ARHGEF19: variants seen among roughly 807,000 people sequenced by gnomAD.
ARHGEF19 encodes Rho guanine nucleotide exchange factor 19, also known as Rho guanine nucleotide exchange factor (GEF) 19.
Under a neutral mutation model 87.6 loss-of-function variants are expected in ARHGEF19, and 92 were observed. The ratio of observed to expected loss-of-function variants is 1.05; its 90% confidence interval spans 0.89 to 1.25. The LOEUF is 1.25. ARHGEF19 is among the 50% of genes most tolerant of loss of function. The probability of loss-of-function intolerance (pLI) is 0.00; values close to 1 mark genes in which losing one functional copy is unlikely to be tolerated. For synonymous variants in ARHGEF19, 438 were observed against 446.2 expected, an observed-to-expected ratio of 0.98 and a Z score of 0.23; for missense variants, 1,054 against 1,051.8, an observed-to-expected ratio of 1.00 and a Z score of -0.03.
In ARHGEF19 at chr1:16,205,225, C is replaced by G. The variant is rs566763431; in HGVS notation, c.1657-49G>C. On this transcript the variant is annotated intron_variant, in intron 10 of 15. Coordinates refer to ENST00000270747, the MANE Select transcript of ARHGEF19 (RefSeq NM_153213.5). This position sits in a 1 kb window ranked among gnomAD's most constrained non-coding sequence, Gnocchi z 5.8. ...CCTGCAGCCCCTCAGCTCCGGCTCCCAGAGCCCAGCCTCAGACTCTTGCCT... is the reference window on the plus strand; with the variant it reads ...CCTGCAGCCCCTCAGCTCCGGCTCCGAGAGCCCAGCCTCAGACTCTTGCCT... The G allele has an allele frequency of 1.9e-5, 31 of 1,593,322 alleles. No homozygotes were observed. The South Asian group carries it at 2.7e-4, about 14-fold the overall frequency.
rs375332806 is a variant in ARHGEF19, at chr1:16,208,029, G to T, written c.609C>A (p.Thr203=). ...RRRFSASELM[T]RLHSSLRLGR... is the part of the protein sequence containing the mutation. ...CCAGGCGCAGAGAAGAGTGCAGCCGGGTCATCAGCTCCGATGCCGAGAAGC... is the reference window on the plus strand; with the variant it reads ...CCAGGCGCAGAGAAGAGTGCAGCCGTGTCATCAGCTCCGATGCCGAGAAGC... Residue 203 remains threonine (T), a synonymous_variant, in exon 3 of 16, where the codon ACC becomes ACA. Transcript: ENST00000270747. The T allele has an allele frequency of 1.2e-6, 2 of 1,613,646 alleles. No homozygotes were observed. Among genetic ancestry groups the T allele is most frequent in the Non-Finnish European group, 1.7e-6 (2 of 1,180,014 alleles).
Position 16,206,814 on chromosome 1 carries a change from C to A in ARHGEF19, c.1137+134G>T. On this transcript the variant is annotated intron_variant, in intron 6 of 15. Transcript: ENST00000270747. This position sits in a 1 kb window ranked among gnomAD's most constrained non-coding sequence, Gnocchi z 4.6. ...TCGTGTAGTCAGGTCCTAGAGCCAACCTTCCGCGCGGACAGTCGCGCCAGC... is the reference window on the plus strand; with the variant it reads ...TCGTGTAGTCAGGTCCTAGAGCCAAACTTCCGCGCGGACAGTCGCGCCAGC... 2 of 1,196,028 alleles carry A rather than the reference C, an allele frequency of 1.7e-6. No homozygotes were observed. The highest frequency in any genetic ancestry group is 3.2e-5 in the African/African-American group (2 of 61,970). 74.1% of individuals were successfully genotyped at this position (1,196,028 alleles called of 1,614,324 possible). A position where few individuals can be genotyped will look rare whatever the true frequency, so the allele number is the denominator to read the frequency against.
At position 16,207,902 on chromosome 1, in the gene ARHGEF19, C is replaced by G; in HGVS notation, c.694+42G>C. 1 of 1,574,836 alleles carries G rather than the reference C, an allele frequency of 6.3e-7. No individual in the cohort carries two copies. The highest frequency in any genetic ancestry group is 8.6e-7 in the Non-Finnish European group (1 of 1,159,218). On this transcript the variant is annotated intron_variant, in intron 3 of 15. Transcript: ENST00000270747. The surrounding 1 kb of genome is among the most constrained non-coding windows in gnomAD (Gnocchi z 4.0). ...GGCATCGCCCACCCCCACCCCCACC[C>G]GGCATCTGGCTGCCCTCAGGGCCCA...
intron 1 of ARHGEF19, among the ~76,000 whole-genome samples, chr1:16,211,058 C>G (rs2081192430): frequency 1.3e-5 from 2 of 152,164 alleles, no homozygotes; most frequent in Admixed American, 1.3e-4. Flanking sequence ...TGGCTTGTAC[C>G]ATCAGCCTCT....
At chr1:16,199,104 C>T (rs762109344) in intron 15 of ARHGEF19, 46 bp downstream of exon 15, 2 of 1,587,774 alleles carry the variant, frequency 1.3e-6, no homozygotes, top group Non-Finnish European at 1.7e-6. Context: ...CCACCTCCTG[C>T]CCACCCAAGC....
At position 16,206,504 on chromosome 1, in the gene ARHGEF19, G is replaced by A. The variant is rs971117527; in HGVS notation, c.1138-164C>T. ...CGGGCCCGGCGACCCACGTCCCGCCGCGGGAAATTGTGCAAGCCTTTCCTG... is the reference window on the plus strand; with the variant it reads ...CGGGCCCGGCGACCCACGTCCCGCCACGGGAAATTGTGCAAGCCTTTCCTG... On this transcript the variant is annotated intron_variant, in intron 6 of 15. Coordinates refer to ENST00000270747, the MANE Select transcript of ARHGEF19 (RefSeq NM_153213.5). The surrounding 1 kb of genome is among the most constrained non-coding windows in gnomAD (Gnocchi z 4.6). 6.9e-6 allele frequency: 5 copies of A among 723,858 alleles called. No individual in the cohort carries two copies. Among genetic ancestry groups the A allele is most frequent in the East Asian group, 2.7e-5 (1 of 36,462 alleles). The allele number at this position is 723,858 out of a possible 1,614,324, so 44.8% of individuals were successfully genotyped here. A position where few individuals can be genotyped will look rare whatever the true frequency, so the allele number is the denominator to read the frequency against.
At position 16,207,101 on chromosome 1, in the gene ARHGEF19, C is replaced by T. The variant is rs1167214049; in HGVS notation, c.984G>A (p.Pro328=). 1.3e-6 allele frequency: 2 copies of T among 1,510,476 alleles called. No homozygotes were observed. The highest frequency in any genetic ancestry group is 1.8e-6 in the Non-Finnish European group (2 of 1,133,452). 93.6% of individuals were successfully genotyped at this position (1,510,476 alleles called of 1,614,324 possible). A position where few individuals can be genotyped will look rare whatever the true frequency, so the allele number is the denominator to read the frequency against. ...GGGAGAGGTTGGCCCGCGGCGGCCC[C>T]GGCCCCTCCTCTGCGCCCTCGGCCT... ...GDEAEGAEEG[P]GPPRANLSPS... Residue 328 remains proline (P), a synonymous_variant, in exon 6 of 16, where the codon CCG becomes CCA. Transcript: ENST00000270747. The surrounding 1 kb of genome is among the most constrained non-coding windows in gnomAD (Gnocchi z 4.0).
At position 16,206,734 on chromosome 1, in the gene ARHGEF19, C is replaced by G. The variant is rs2081139713; in HGVS notation, c.1137+214G>C. 6.6e-6 allele frequency among the ~76,000 whole-genome samples: 1 copy of G among 152,120 alleles called. No homozygotes were observed. The highest frequency in any genetic ancestry group is 2.1e-4 in the South Asian group (1 of 4,826). On this transcript the variant is annotated intron_variant, in intron 6 of 15. Transcript: ENST00000270747. This position sits in a 1 kb window ranked among gnomAD's most constrained non-coding sequence, Gnocchi z 4.6. Reference sequence around the variant, plus strand: ...GCTCCGCCCCCTACCCGCACCCAAGCCCGGCTCCCCTCGCCTCTCGCTCAG... The same window carrying G: ...GCTCCGCCCCCTACCCGCACCCAAGGCCGGCTCCCCTCGCCTCTCGCTCAG...
rs1354816519 is a variant in ARHGEF19 at position 16,205,616 on chromosome 1, A to G, written c.1503T>C (p.Pro501=). The change falls in exon 9 of 16, where the codon CCT becomes CCC. Residue 501 remains proline, a synonymous_variant. Transcript: ENST00000270747. This position sits in a 1 kb window ranked among gnomAD's most constrained non-coding sequence, Gnocchi z 5.8. ...AGGTAAGGGGCAGACGCTGGCACACAGGAGACTCCTCCAGGCGAGCCAGGA... is the reference window on the plus strand; with the variant it reads ...AGGTAAGGGGCAGACGCTGGCACACGGGAGACTCCTCCAGGCGAGCCAGGA... ...PGILARLEES[P]VCQRLPLTSF... is the part of the protein sequence containing the mutation. 6.2e-7 allele frequency: 1 copy of G among 1,613,784 alleles called. No homozygotes were observed. The highest frequency in any genetic ancestry group is 1.7e-5 in the Admixed American group (1 of 59,934).
At chr1:16,211,903 C>A (rs1242423516) in intron 1 of ARHGEF19, among the ~76,000 whole-genome samples, 1 of 152,190 alleles carries the variant, frequency 6.6e-6, no homozygotes, top group Non-Finnish European at 1.5e-5. Context: ...CTCTGGAGCC[C>A]AAAAAGAATA....
At position 16,206,537 on chromosome 1, in the gene ARHGEF19, T is replaced by TCCCGCCCCTCTCCTAAGC; in HGVS notation, c.1138-215_1138-198dup. On this transcript the variant is annotated intron_variant, in intron 6 of 15. Transcript: ENST00000270747. The surrounding 1 kb of genome is among the most constrained non-coding windows in gnomAD (Gnocchi z 4.6). ...TTGTGCAAGCCTTTCCTGTCCTCGA[T>TCCCGCCCCTCTCCTAAGC]CCCGCCCCTCTCCTAAGCCCCGCCC... The TCCCGCCCCTCTCCTAAGC allele has an allele frequency of 9.8e-6, 6 of 609,550 alleles. No individual in the cohort carries two copies. The highest frequency in any genetic ancestry group is 1.7e-5 in the Non-Finnish European group (6 of 344,952). 37.8% of individuals were successfully genotyped at this position (609,550 alleles called of 1,614,324 possible).
At position 16,208,084 on chromosome 1, in the gene ARHGEF19, C is replaced by T; in HGVS notation, c.554G>A (p.Arg185Gln). 6.2e-7 allele frequency: 1 copy of T among 1,614,026 alleles called. No individual in the cohort carries two copies. Among genetic ancestry groups the T allele is most frequent in the Non-Finnish European group, 8.5e-7 (1 of 1,180,028 alleles). The change falls in exon 3 of 16, where the codon CGA becomes CAA. Residue 185 changes from arginine (R) to glutamine (Q), a missense_variant. Transcript: ENST00000270747. ...EPRVELSGST[R>Q]VSLEGPERRR... is the part of the protein sequence containing the mutation. ...CCGCTCAGGACCTTCGAGGCTCACT[C>T]GGGTGGACCCAGACAACTCCACCCT...
chr1:16,207,452 T>G lies in ARHGEF19; in HGVS notation c.874+70A>C. Reference sequence around the variant, plus strand: ...CCCTACCTCTCAACTCTCCAAACCCTCTTTTCCCCGTTTCCACACCGCAGC... The same window carrying G: ...CCCTACCTCTCAACTCTCCAAACCCGCTTTTCCCCGTTTCCACACCGCAGC... On this transcript the variant is annotated intron_variant, in intron 5 of 15. Coordinates refer to ENST00000270747, the MANE Select transcript of ARHGEF19 (RefSeq NM_153213.5). The surrounding 1 kb of genome is among the most constrained non-coding windows in gnomAD (Gnocchi z 4.0). 6.3e-7 allele frequency: 1 copy of G among 1,583,956 alleles called. No homozygotes were observed. The highest frequency in any genetic ancestry group is 8.6e-7 in the Non-Finnish European group (1 of 1,157,532).
At position 16,206,718 on chromosome 1, in the gene ARHGEF19, C is replaced by T. The variant is rs1452588872; in HGVS notation, c.1137+230G>A. On this transcript the variant is annotated intron_variant, in intron 6 of 15. Coordinates refer to ENST00000270747, the MANE Select transcript of ARHGEF19 (RefSeq NM_153213.5). The surrounding 1 kb of genome is among the most constrained non-coding windows in gnomAD (Gnocchi z 4.6). ...AGGTTTCGTCCCGCTGGCTCCGCCCCCTACCCGCACCCAAGCCCGGCTCCC... is the reference window on the plus strand; with the variant it reads ...AGGTTTCGTCCCGCTGGCTCCGCCCTCTACCCGCACCCAAGCCCGGCTCCC... 1.3e-5 allele frequency among the ~76,000 whole-genome samples: 2 copies of T among 152,062 alleles called. No individual in the cohort carries two copies. The highest frequency in any genetic ancestry group is 4.8e-5 in the African/African-American group (2 of 41,404).
In ARHGEF19 at chr1:16,205,950, G is replaced by C. The variant is rs760994566; in HGVS notation, c.1432C>G (p.Arg478Gly). The C allele has an allele frequency of 3.1e-6, 5 of 1,610,484 alleles. No individual in the cohort carries two copies. Among genetic ancestry groups the C allele is most frequent in the Non-Finnish European group, 4.2e-6 (5 of 1,178,498 alleles). ...CCCTACAGCAGGCGCTGGTAGGTGCGCTCCTGGTAGGCCTGGTTGGTGACA... is the reference window on the plus strand; with the variant it reads ...CCCTACAGCAGGCGCTGGTAGGTGCCCTCCTGGTAGGCCTGGTTGGTGACA... ...PYVTNQAYQERTYQRLLLENP... is the reference protein window; with the variant it reads ...PYVTNQAYQEGTYQRLLLENP... The change falls in exon 8 of 16, where the codon CGC becomes GGC. Residue 478 changes from arginine (R) to glycine (G), a missense_variant. Transcript: ENST00000270747. The surrounding 1 kb of genome is among the most constrained non-coding windows in gnomAD (Gnocchi z 5.8).
At position 16,207,969 on chromosome 1, in the gene ARHGEF19, C is replaced by T; in HGVS notation, c.669G>A (p.Gly223=). The change falls in exon 3 of 16, where the codon GGG becomes GGA. Residue 223 remains glycine (G), a synonymous_variant. Transcript: ENST00000270747. The surrounding 1 kb of genome is among the most constrained non-coding windows in gnomAD (Gnocchi z 4.0). The part of the protein sequence containing the change: ...RNSAARALIS[G]SGTGAAREGK... ...CTTCCCGGGCTGCTCCGGTGCCTGA[C>T]CCAGAGATGAGTGCCCGGGCTGCTG... The T allele has an allele frequency of 6.2e-7, 1 of 1,611,292 alleles. No individual in the cohort carries two copies.
intron 1 of ARHGEF19, among the ~76,000 whole-genome samples, chr1:16,210,888 A>G (rs927730219): frequency 6.6e-6 from 1 of 152,140 alleles, no homozygotes; most frequent in Admixed American, 6.5e-5. Flanking sequence ...ACAGGGAGGG[A>G]GAAGAGGACC....
chr1:16,208,724 G>A lies in ARHGEF19; in HGVS notation c.331C>T (p.Pro111Ser). The A allele has an allele frequency of 6.2e-7, 1 of 1,609,176 alleles. No homozygotes were observed. Among genetic ancestry groups the A allele is most frequent in the Non-Finnish European group, 8.5e-7 (1 of 1,178,466 alleles). ...GGACTCCAGGGTCCCTCCAGAGCTG[G>A]GGGCTGGGCACCAGGACAGTGTGGC... ...SWPHCPGAQP[P>S]ALEGPWSPRH... The change falls in exon 2 of 16, where the codon CCA becomes TCA. Residue 111 changes from proline to serine, a missense_variant. Pro to Ser is a moderately conservative substitution (Grantham distance 74). Coordinates refer to ENST00000270747, the MANE Select transcript of ARHGEF19 (RefSeq NM_153213.5).
In ARHGEF19 at chr1:16,206,262, C is replaced by G; in HGVS notation, c.1216G>C (p.Ala406Pro). The G allele has an allele frequency of 6.3e-7, 1 of 1,590,604 alleles. No homozygotes were observed. The highest frequency in any genetic ancestry group is 8.6e-7 in the Non-Finnish European group (1 of 1,168,880). Residue 406 changes from alanine to proline, a missense_variant, in exon 7 of 16, where the codon GCC becomes CCC. Transcript: ENST00000270747. The surrounding 1 kb of genome is among the most constrained non-coding windows in gnomAD (Gnocchi z 4.6). ...SVAVGHFLGS[A>P]ELSECLGAQD... ...GCCCCCAGACACTCGCTCAGCTCGGCAGAGCCTAAGAAGTGGCCCACAGCC... is the reference window on the plus strand; with the variant it reads ...GCCCCCAGACACTCGCTCAGCTCGGGAGAGCCTAAGAAGTGGCCCACAGCC...
Sources: gnomAD v4.1 joint callset for allele counts (sites outside exome capture counted in the v4.1 genomes callset) on GRCh38, gnomAD v4.1.1 for gene constraint, Gnocchi (gnomAD v3.1) non-coding constraint, MANE v1.5 for transcripts, NCBI Gene and HGNC (gene_info 2026-07-23, HGNC 2026-07-21) for gene names.